The following FAM153A variants were observed in gnomAD, a reference collection of about 807,000 sequenced individuals.
FAM153A encodes the protein protein FAM153A.
FAM153A carries 12 observed loss-of-function variants against 48.1 expected under a neutral mutation model. The ratio of observed to expected loss-of-function variants is 0.25; its 90% CI spans 0.16 to 0.40. The LOEUF is 0.40. Among genes scored for constraint, FAM153A ranks in the 10% least tolerant of loss-of-function variants. The pLI, the probability that FAM153A is intolerant of heterozygous loss-of-function variation, is 1.00. For missense variants in FAM153A, 111 were observed against 345.8 expected, an observed-to-expected ratio of 0.32 and a Z score of 5.38; for synonymous variants, 36 against 118.2, an observed-to-expected ratio of 0.30 and a Z score of 4.51.
At chr5:177,702,077 T>G in the FAM153A span, among the ~76,000 whole-genome samples, 1 of 151,580 alleles carries the variant, frequency 6.6e-6, no homozygotes, top group African/African-American at 2.4e-5. Flanking sequence ...CCGGCTAATT[T>G]TTTTGTATTT....
chr5:177,698,814 T>C, the FAM153A span, among the ~76,000 whole-genome samples: 1,965 of 151,516 alleles, frequency 0.013, 77 homozygotes, highest in African/African-American at 0.046. Flanking sequence ...TGTGCCACCA[T>C]GCCTGGCTAA....
intron 24 of FAM153A, among the ~76,000 whole-genome samples, chr5:177,716,843 G>C (rs1189767839): frequency 6.6e-6 from 1 of 151,716 alleles, no homozygotes; most frequent in African/African-American, 2.4e-5. Flanking sequence ...CTGTCACCCA[G>C]GCTGGAGTAC....
At chr5:177,717,305 A>T (rs2127572186), downstream of FAM153A, 1 of 142,390 alleles carries the variant, frequency 7.0e-6, no homozygotes, top group African/African-American at 2.7e-5. Context: ...GCCTGTTGAA[A>T]GAATAACTTA....
exon 1 of FAM153A, chr5:177,780,455 TG>T (rs1769554842): frequency 1.7e-5 from 1 of 59,402 alleles, no homozygotes; most frequent in South Asian, 7.6e-4. Context: ...TTACCTGGAT[TG>T]TAAGTTTTAA....
chr5:177,729,270 C>A lies in FAM153A; in HGVS notation c.933+215G>T, dbSNP rs1263214636. Reference sequence around the variant, plus strand: ...AATTCTTCTCAAGAAGAAGGAATTTCTCTTAAGGAAAATGCCTGTTGACAC... The same window carrying A: ...AATTCTTCTCAAGAAGAAGGAATTTATCTTAAGGAAAATGCCTGTTGACAC... On this transcript the variant is annotated intron_variant, in intron 17 of 20. Transcript: ENST00000614127. Among the ~76,000 whole-genome samples the A allele has an allele frequency of 6.6e-5, 8 of 120,364 alleles. 2 individuals carry two copies. The highest frequency in any genetic ancestry group is 1.1e-4 in the Non-Finnish European group (6 of 53,418). 79.0% of individuals were successfully genotyped at this position (120,364 alleles called of 152,430 possible). A position where few individuals can be genotyped will look rare whatever the true frequency, so the allele number is the denominator to read the frequency against.
At chr5:177,764,482 G>C (rs1768566995) in intron 1 of FAM153A, among the ~76,000 whole-genome samples, 1 of 143,250 alleles carries the variant, frequency 7.0e-6, no homozygotes, top group Admixed American at 7.1e-5. Flanking sequence ...AATGAGGAAA[G>C]CTGTGAACAC....
upstream of FAM153A, among the ~76,000 whole-genome samples, chr5:177,781,159 C>T: frequency 9.2e-6 from 1 of 109,230 alleles, no homozygotes; most frequent in Non-Finnish European, 1.8e-5. Flanking sequence ...CCCAGCACTT[C>T]TGGATGGCGG....
chr5:177,707,803 C>T (rs1311607618), downstream of FAM153A, among the ~76,000 whole-genome samples: 1 of 151,756 alleles, frequency 6.6e-6, no homozygotes, highest in African/African-American at 2.4e-5. Context: ...TCAGGTGATC[C>T]ACCCACCTCG....
downstream of FAM153A, chr5:177,718,671 TA>T (rs1489478109): frequency 2.3e-5 from 3 of 131,728 alleles, 1 homozygote; most frequent in African/African-American, 7.9e-5. Context: ...TAATTTGTAA[TA>T]AAAAGGGCTG....
chr5:177,750,271 C>T (rs895751921), intron 2 of FAM153A: 1 of 155,238 alleles, frequency 6.4e-6, no homozygotes, highest in Non-Finnish European at 1.4e-5. Context: ...CAGCTCAGGT[C>T]ATGTTTAGGA....
At chr5:177,709,195 C>CA (rs1406530564), downstream of FAM153A, among the ~76,000 whole-genome samples, 1 of 141,066 alleles carries the variant, frequency 7.1e-6, no homozygotes, top group Non-Finnish European at 1.5e-5. Context: ...TCTAGTACTG[C>CA]ATTCTGTTCA....
chr5:177,757,408 G>A (rs1767841554), upstream of FAM153A, among the ~76,000 whole-genome samples: 1 of 106,532 alleles, frequency 9.4e-6, no homozygotes, highest in Admixed American at 9.7e-5. Flanking sequence ...ACAAGGAGGA[G>A]CTGGTACCAT....
At chr5:177,738,069 A>C (rs1281639604) in intron 10 of FAM153A, among the ~76,000 whole-genome samples, 2 of 151,354 alleles carry the variant, frequency 1.3e-5, no homozygotes, top group Non-Finnish European at 2.9e-5. Context: ...TGGCTCCAGC[A>C]TTAGGACAGC....
intron 18 of FAM153A, among the ~76,000 whole-genome samples, chr5:177,726,723 CT>C (rs1762623172): frequency 1.7e-5 from 2 of 114,496 alleles, no homozygotes; most frequent in South Asian, 7.7e-4. Context: ...ACTCAGGGGC[CT>C]TTATGAAGGC....
chr5:177,765,188 C>A lies in FAM153A; in HGVS notation c.-57+15261G>T, dbSNP rs1159743640. ...ACCTGATGTGGGCTCAGGAGAACAG[C>A]CTTGTTCCTTTTGGCTGAGCCCTGT... On this transcript the variant is annotated intron_variant, in intron 1 of 8. Transcript: ENST00000393518. 2.0e-5 allele frequency among the ~76,000 whole-genome samples: 2 copies of A among 99,132 alleles called. 1 individual carries two copies. The highest frequency in any genetic ancestry group is 4.2e-5 in the Non-Finnish European group (2 of 47,390). 65.0% of individuals were successfully genotyped at this position (99,132 alleles called of 152,430 possible).
chr5:177,754,997 G>A (rs1222776777), upstream of FAM153A, among the ~76,000 whole-genome samples: 1 of 151,914 alleles, frequency 6.6e-6, no homozygotes, highest in African/African-American at 2.4e-5. Context: ...GGATGACTTT[G>A]ACGAGTAGAG....
upstream of FAM153A, among the ~76,000 whole-genome samples, chr5:177,755,289 A>G (rs939244744): frequency 1.4e-5 from 2 of 147,642 alleles, no homozygotes; most frequent in Non-Finnish European, 3.0e-5. Flanking sequence ...TAGAGAAAAA[A>G]GAATAAAAAG....
At chr5:177,755,309 A>T (rs1312768611), upstream of FAM153A, among the ~76,000 whole-genome samples, 1 of 150,762 alleles carries the variant, frequency 6.6e-6, no homozygotes, top group Non-Finnish European at 1.5e-5. Context: ...GAAACAAACA[A>T]AGCCTCCAAG....
At chr5:177,768,244 C>T (rs1334997495) in intron 1 of FAM153A, among the ~76,000 whole-genome samples, 1 of 148,484 alleles carries the variant, frequency 6.7e-6, no homozygotes, top group Non-Finnish European at 1.5e-5. Flanking sequence ...CATGCCCTCC[C>T]AGGACACACC....
Sources: allele counts gnomAD v4.1 joint callset (sites outside exome capture counted in the v4.1 genomes callset), GRCh38; gene constraint gnomAD v4.1.1; transcripts MANE v1.5; gene names NCBI Gene and HGNC (gene_info 2026-07-23, HGNC 2026-07-21).